Variants in RBM47 observed in about 807,000 individuals in gnomAD.
The protein encoded by RBM47 is RNA-binding protein 47.
In RBM47, 21 loss-of-function variants were observed where a neutral mutation model predicts 47.1. That is an observed-to-expected ratio of 0.45 (90% CI 0.32 to 0.64). The LOEUF (loss-of-function observed/expected upper bound fraction) is 0.64, where lower values mean the gene tolerates loss of function less well. Among genes scored for constraint, RBM47 ranks in the 30% least tolerant of loss-of-function variants. The pLI, the probability that RBM47 is intolerant of heterozygous loss-of-function variation, is 0.05. For missense variants in RBM47, 708 were observed against 870.9 expected (o/e 0.81, Z 2.35); for synonymous variants, 375 against 361.7 (o/e 1.04, Z -0.42).
At chr4:40,619,318 C>T (rs1737042799) in intron 1 of RBM47, among the ~76,000 whole-genome samples, 1 of 152,150 alleles carries the variant, frequency 6.6e-6, no homozygotes, top group Non-Finnish European at 1.5e-5. Flanking sequence ...GTCCCAGCTT[C>T]TTGGGAGGCT....
intron 1 of RBM47, among the ~76,000 whole-genome samples, chr4:40,565,882 A>G (rs1199882927): frequency 1.3e-5 from 2 of 152,106 alleles, no homozygotes; most frequent in Non-Finnish European, 2.9e-5. Context: ...CAGCCTGGGT[A>G]ACATAGGGAG....
At position 40,432,702 on chromosome 4, in the gene RBM47, T is replaced by TGCGGCC. The variant is rs765476683; in HGVS notation, c.1485_1490dup (p.Ala501_Ala502dup). On this transcript the variant is annotated inframe_insertion, in exon 6 of 7. Coordinates refer to ENST00000295971, the MANE Select transcript of RBM47 (RefSeq NM_001098634.2). ...TGGGAATGACAGCGGCTGCGGCGGC[T>TGCGGCC]GCGGCCGCGGCTGCGGCGGCAGCAG... is the stretch of plus-strand genomic sequence containing the variant. 3.8e-6 allele frequency: 6 copies of TGCGGCC among 1,589,798 alleles called. No homozygotes were observed. The highest frequency in any genetic ancestry group is 5.2e-6 in the Non-Finnish European group (6 of 1,164,900).
chr4:40,455,720 G>C (rs901691103), intron 3 of RBM47: 1 of 152,116 alleles, frequency 6.6e-6, no homozygotes, highest in Non-Finnish European at 1.5e-5. Context: ...ACTGCACTCC[G>C]GTCTGAGCAA....
chr4:40,472,590 T>G (rs1304315080), intron 2 of RBM47, among the ~76,000 whole-genome samples: 1 of 151,928 alleles, frequency 6.6e-6, no homozygotes, highest in Admixed American at 6.6e-5. Flanking sequence ...ATCATGTTTT[T>G]CTTCAAATGC....
intron 1 of RBM47, among the ~76,000 whole-genome samples, chr4:40,562,554 C>G (rs1730732356): frequency 6.6e-6 from 1 of 151,154 alleles, no homozygotes; most frequent in African/African-American, 2.4e-5. Context: ...CAACCTCTGC[C>G]TCCGGGGTTC....
intron 2 of RBM47, among the ~76,000 whole-genome samples, chr4:40,524,880 G>C (rs1182290298): frequency 6.6e-6 from 1 of 152,178 alleles, no homozygotes; most frequent in African/African-American, 2.4e-5. Context: ...AAATGAATCT[G>C]TACCAACCAA....
intron 2 of RBM47, among the ~76,000 whole-genome samples, chr4:40,500,473 T>G (rs930500307): frequency 6.6e-6 from 1 of 152,004 alleles, no homozygotes; most frequent in Non-Finnish European, 1.5e-5. Context: ...TAGCTGGGTG[T>G]GGTGGTATGT....
At chr4:40,603,032 A>T (rs991316730) in intron 1 of RBM47, among the ~76,000 whole-genome samples, 10 of 152,014 alleles carry the variant, frequency 6.6e-5, no homozygotes, top group African/African-American at 1.2e-4. Flanking sequence ...TTAAAAAAAA[A>T]TTTTTTTTGA....
chr4:40,586,753 C>A (rs1000201012), intron 1 of RBM47, among the ~76,000 whole-genome samples: 1 of 151,760 alleles, frequency 6.6e-6, no homozygotes, highest in African/African-American at 2.4e-5. Flanking sequence ...AAAGACCCCA[C>A]CGGTGACCTC....
rs774241422 is a variant in RBM47, at chr4:40,438,891, CATA to C, written c.-1_2del. ...TGGCTGCGGTGGAATCCTCTGCGGT[CATA>C]ATGTCAAAGGCATCCACAGCTGGCG... On this transcript the variant is annotated start_lost and start_retained_variant and 5_prime_UTR_variant, in exon 4 of 7. Transcript: ENST00000295971. 5 of 1,544,884 alleles carry C rather than the reference CATA, an allele frequency of 3.2e-6. No homozygotes were observed. In the Admixed American group the frequency reaches 5.8e-5, roughly 18 times the overall value.
At chr4:40,581,777 G>T (rs1405476821) in intron 1 of RBM47, among the ~76,000 whole-genome samples, 1 of 151,982 alleles carries the variant, frequency 6.6e-6, no homozygotes, top group Non-Finnish European at 1.5e-5. Flanking sequence ...CCTGCAAGAG[G>T]GAAAAGAAGT....
At chr4:40,512,786 T>A (rs1725120925) in intron 2 of RBM47, among the ~76,000 whole-genome samples, 1 of 151,806 alleles carries the variant, frequency 6.6e-6, no homozygotes. Context: ...GTGCTTTTAA[T>A]GCATGAATTA....
chr4:40,475,837 C>T (rs1284493214), intron 2 of RBM47: 1 of 152,196 alleles, frequency 6.6e-6, no homozygotes, highest in Non-Finnish European at 1.5e-5. Flanking sequence ...GCTTTGGCCA[C>T]TTAATGCCTT....
At chr4:40,616,574 G>A (rs1052906174) in intron 1 of RBM47, among the ~76,000 whole-genome samples, 30 of 151,932 alleles carry the variant, frequency 2.0e-4, no homozygotes, top group Admixed American at 1.0e-3. Flanking sequence ...TCCCCAGTTC[G>A]CTTTAGGTAC....
chr4:40,456,851 G>C (rs941886748), intron 3 of RBM47, among the ~76,000 whole-genome samples: 2 of 151,528 alleles, frequency 1.3e-5, no homozygotes, highest in Admixed American at 1.3e-4. Context: ...CTCCTGCCTC[G>C]GCCTCCCAAA....
At chr4:40,529,742 T>C (rs557948459) in intron 2 of RBM47, among the ~76,000 whole-genome samples, 144 of 148,714 alleles carry the variant, frequency 9.7e-4, no homozygotes, top group African/African-American at 3.4e-3. Context: ...AACAGGAGAA[T>C]TGCCTGAACC....
chr4:40,568,464 T>C (rs1731317230), intron 1 of RBM47, among the ~76,000 whole-genome samples: 1 of 145,196 alleles, frequency 6.9e-6, no homozygotes, highest in Non-Finnish European at 1.5e-5. Context: ...AAGGGTGGTC[T>C]CTATCATATT....
intron 2 of RBM47, among the ~76,000 whole-genome samples, chr4:40,531,717 A>G (rs1034421075): frequency 6.6e-6 from 1 of 152,346 alleles, no homozygotes; most frequent in South Asian, 2.1e-4. Context: ...ATATAAAAAA[A>G]TTAAAATCAG....
intron 2 of RBM47, among the ~76,000 whole-genome samples, chr4:40,510,093 A>G (rs4861192): frequency 0.27 from 40,136 of 149,210 alleles, 5,813 homozygotes; most frequent in African/African-American, 0.35. Flanking sequence ...AGGCTGAGGA[A>G]GGAGAACTGC....
Sources: gnomAD v4.1 joint callset for allele counts (sites outside exome capture counted in the v4.1 genomes callset) on GRCh38, gnomAD v4.1.1 for gene constraint, MANE v1.5 for transcripts, NCBI Gene and HGNC (gene_info 2026-07-23, HGNC 2026-07-21) for gene names.